ABCA12: variants seen among roughly 807,000 people sequenced by gnomAD.
The protein encoded by ABCA12 is ATP binding cassette subfamily A member 12.
In ABCA12, 156 loss-of-function variants were observed where a neutral mutation model predicts 293.5. That is an observed-to-expected ratio of 0.53 (90% CI 0.47 to 0.61). ABCA12 has a LOEUF of 0.61. ABCA12 is among the 20% of genes least tolerant of loss of function. ABCA12 has a pLI of 0.00. For synonymous variants in ABCA12, 1,063 were observed against 1,108.0 expected (o/e 0.96, Z 0.81); for missense variants, 2,797 against 3,090.2 (o/e 0.91, Z 2.25).
intron 10 of ABCA12, among the ~76,000 whole-genome samples, chr2:215,026,277 GT>G (rs952740195): frequency 7.2e-5 from 11 of 152,078 alleles, no homozygotes; most frequent in African/African-American, 2.4e-4. Flanking sequence ...GAGAAAGTAG[GT>G]CTTTTCTCTC....
At chr2:214,958,986 T>A (rs767742123) in intron 40 of ABCA12, 38 bp downstream of exon 40, 1 of 1,592,898 alleles carries the variant, frequency 6.3e-7, no homozygotes, top group South Asian at 1.1e-5. Context: ...CTCAGCTATG[T>A]CAAGGAGAAA....
intron 48 of ABCA12, among the ~76,000 whole-genome samples, chr2:214,945,772 A>T (rs534397017): frequency 2.0e-5 from 3 of 152,310 alleles, no homozygotes; most frequent in African/African-American, 7.2e-5. Flanking sequence ...GTAAAAATTT[A>T]AAAAATATAC....
chr2:215,050,948 A>G (rs1559167431), intron 5 of ABCA12: 2 of 358,848 alleles, frequency 5.6e-6, no homozygotes, highest in Non-Finnish European at 7.8e-6. Context: ...ATATGTATCC[A>G]TACATAGAAA....
Position 214,982,285 on chromosome 2 carries a change from A to T in ABCA12, c.4481T>A (p.Ile1494Asn). 1 of 1,614,080 alleles carries T rather than the reference A, an allele frequency of 6.2e-7. No individual in the cohort carries two copies. The highest frequency in any genetic ancestry group is 1.1e-5 in the South Asian group (1 of 91,074). The change falls in exon 30 of 53, where the codon ATT becomes AAT. Residue 1494 changes from isoleucine (I) to asparagine (N), a missense_variant. Ile to Asn is a moderately radical substitution (Grantham distance 149, BLOSUM62 -3). This residue lies in a region of ABCA12 where 2,130 missense variants were observed against 2,427.0 expected (regional missense o/e 0.88). Transcript: ENST00000272895. ...KRKLSISIAL[I>N]GGSRVVILDE... is the part of the protein sequence containing the mutation. ...CAAAATTACTACCCTTGATCCACCA[A>T]TGAGAGCTATGGATATAGATAACTT... is the stretch of plus-strand genomic sequence containing the variant.
chr2:215,135,006 AC>A (rs1338195709), intron 1 of ABCA12, among the ~76,000 whole-genome samples: 1 of 152,090 alleles, frequency 6.6e-6, no homozygotes, highest in Non-Finnish European at 1.5e-5. Context: ...ACTGTTACCC[AC>A]GCTGGAGTGC....
chr2:215,089,880 C>G (rs572283552), intron 2 of ABCA12, among the ~76,000 whole-genome samples: 5 of 152,148 alleles, frequency 3.3e-5, no homozygotes, highest in Non-Finnish European at 7.3e-5. Flanking sequence ...TAAGAAGCAA[C>G]TAATAGTTCA....
At chr2:214,980,160 A>G (rs1699614861) in intron 31 of ABCA12, among the ~76,000 whole-genome samples, 1 of 152,232 alleles carries the variant, frequency 6.6e-6, no homozygotes, top group African/African-American at 2.4e-5. Flanking sequence ...TTAAGATGTC[A>G]ATCATTTTTT....
intron 11 of ABCA12, 50 bp downstream of exon 11, chr2:215,025,623 T>C (rs751348042): frequency 1.8e-6 from 2 of 1,138,174 alleles, no homozygotes; most frequent in South Asian, 2.8e-5. Flanking sequence ...TTGTTTTGTC[T>C]TTTTGTTTTT....
At chr2:214,947,389 T>C (rs754933102) in intron 48 of ABCA12, 33 bp downstream of exon 48, 11 of 1,613,312 alleles carry the variant, frequency 6.8e-6, no homozygotes, top group Non-Finnish European at 7.6e-6. Flanking sequence ...GTTCTAATTA[T>C]GGAGTGGCCT....
At chr2:215,127,162 G>C (rs922391094) in intron 1 of ABCA12, among the ~76,000 whole-genome samples, 6 of 152,118 alleles carry the variant, frequency 3.9e-5, no homozygotes, top group African/African-American at 1.4e-4. Context: ...GAAAGTGCTT[G>C]ATATAATTTC....
At chr2:215,088,203 A>G (rs962560123) in intron 2 of ABCA12, among the ~76,000 whole-genome samples, 1 of 152,242 alleles carries the variant, frequency 6.6e-6, no homozygotes, top group African/African-American at 2.4e-5. Context: ...TAGCATTAAT[A>G]TATAAGATAG....
rs1272966226 is a variant in ABCA12, at chr2:214,976,006, A to ATC, written c.5158_5159dup (p.Asp1720GlufsTer8). On this transcript the variant is annotated frameshift_variant, in exon 34 of 53. Transcript: ENST00000272895. LOFTEE classifies it high-confidence loss of function. The stretch of plus-strand genomic sequence containing the variant: ...TCTTCTTCAGCAACAGTCCAAAGCC[A>ATC]TCCAGCCTCTCTCCTCTTGTCAGGA... 1.2e-6 allele frequency: 2 copies of ATC among 1,613,944 alleles called. No individual in the cohort carries two copies. The highest frequency in any genetic ancestry group is 1.7e-6 in the Non-Finnish European group (2 of 1,179,988).
chr2:215,037,790 A>G (rs2106038532), intron 7 of ABCA12, among the ~76,000 whole-genome samples: 1 of 152,332 alleles, frequency 6.6e-6, no homozygotes. Context: ...CTTTATAGCC[A>G]TTAGTGCATT....
At chr2:214,989,049 C>T (rs1301196882) in intron 26 of ABCA12, among the ~76,000 whole-genome samples, 1 of 149,216 alleles carries the variant, frequency 6.7e-6, no homozygotes, top group Non-Finnish European at 1.5e-5. Flanking sequence ...CGTGGTGGCA[C>T]GTGCCTATAA....
intron 3 of ABCA12, among the ~76,000 whole-genome samples, chr2:215,061,959 T>C (rs887443983): frequency 1.3e-5 from 2 of 152,090 alleles, no homozygotes; most frequent in African/African-American, 4.8e-5. Context: ...ATGTCCCTTA[T>C]AGTTCTTTGT....
At chr2:215,030,454 A>T (rs79804923) in intron 9 of ABCA12, among the ~76,000 whole-genome samples, 3 of 151,202 alleles carry the variant, frequency 2.0e-5, no homozygotes, top group African/African-American at 7.3e-5. Flanking sequence ...AAAAAAAAAA[A>T]TTAGCCAGGC....
intron 19 of ABCA12, among the ~76,000 whole-genome samples, chr2:215,007,240 T>C (rs1349598996): frequency 6.6e-6 from 1 of 152,136 alleles, no homozygotes; most frequent in Admixed American, 6.5e-5. Flanking sequence ...TTCAGATAAA[T>C]ACGTTAACGA....
chr2:215,001,630 G>C lies in ABCA12; in HGVS notation c.2791C>G (p.Gln931Glu). The C allele has an allele frequency of 6.2e-7, 1 of 1,613,768 alleles. No homozygotes were observed. The change falls in exon 21 of 53, where the codon CAG becomes GAG. Residue 931 changes from glutamine to glutamate, a missense_variant. Gln to Glu is a conservative substitution (Grantham distance 29, BLOSUM62 2). Around this residue, in one of 3 missense-constraint regions of ABCA12, gnomAD observed 2,130 missense variants for 2,427.0 expected, o/e 0.88. Transcript: ENST00000272895. ...ISSCVLYDRI[Q>E]AAKTIDEMER... The stretch of plus-strand genomic sequence containing the variant: ...ATTTCATCTATGGTTTTTGCTGCCT[G>C]AATACGGTCATATAATACACAAGAG...
intron 22 of ABCA12, among the ~76,000 whole-genome samples, chr2:214,998,044 A>G (rs1041977581): frequency 6.6e-6 from 1 of 151,982 alleles, no homozygotes; most frequent in Non-Finnish European, 1.5e-5. Flanking sequence ...GCTCTGGATT[A>G]TTACATAAAA....
Sources: gnomAD v4.1 joint callset for allele counts (sites outside exome capture counted in the v4.1 genomes callset) on GRCh38, gnomAD v4.1.1 for gene constraint, gnomAD v4.1.1 regional missense constraint, MANE v1.5 for transcripts, NCBI Gene and HGNC (gene_info 2026-07-23, HGNC 2026-07-21) for gene names.